LAMA3: variants seen among roughly 807,000 people sequenced by gnomAD.
LAMA3 encodes laminin subunit alpha 3.
In LAMA3, 281 loss-of-function variants were observed where a neutral mutation model predicts 402.0. That is an observed-to-expected ratio of 0.70 (90% CI 0.63 to 0.77). The LOEUF (loss-of-function observed/expected upper bound fraction) is 0.77, where lower values mean the gene tolerates loss of function less well. LAMA3 is among the 30% of genes least tolerant of loss of function. LAMA3 has a pLI of 0.00. For missense variants in LAMA3, 3,840 were observed against 4,215.5 expected (o/e 0.91, Z 2.47); for synonymous variants, 1,431 against 1,558.4 (o/e 0.92, Z 1.93).
intron 14 of LAMA3, 145 bp downstream of exon 14, chr18:23,813,248 G>T: frequency 1.6e-6 from 1 of 620,430 alleles, no homozygotes; most frequent in Non-Finnish European, 2.9e-6. Context: ...TTTTCAAAGA[G>T]CATATGTGAT....
chr18:23,866,194 A>G (rs538536536), intron 36 of LAMA3, among the ~76,000 whole-genome samples: 258 of 152,384 alleles, frequency 1.7e-3, no homozygotes, highest in Non-Finnish European at 2.8e-3. Context: ...CAAGGGTAGT[A>G]TCACATCCTA....
chr18:23,720,324 A>C (rs2061186984), intron 2 of LAMA3, among the ~76,000 whole-genome samples: 1 of 152,020 alleles, frequency 6.6e-6, no homozygotes, highest in Non-Finnish European at 1.5e-5. Flanking sequence ...ATTTAGAACA[A>C]TTTTGCTATT....
At chr18:23,944,004 T>G (rs1458184162) in intron 69 of LAMA3, 33 bp downstream of exon 69, 2 of 1,600,788 alleles carry the variant, frequency 1.2e-6, no homozygotes, top group Non-Finnish European at 1.7e-6. Context: ...TATCTCCAGT[T>G]GGTGTGGAAT....
intron 1 of LAMA3, among the ~76,000 whole-genome samples, chr18:23,708,686 A>G (rs1353526968): frequency 1.3e-5 from 2 of 152,154 alleles, no homozygotes; most frequent in African/African-American, 2.4e-5. Flanking sequence ...CTACCTTGCT[A>G]AAAATCTCCC....
intron 23 of LAMA3, among the ~76,000 whole-genome samples, chr18:23,833,087 T>C (rs1298867887): frequency 6.6e-6 from 1 of 152,136 alleles, no homozygotes; most frequent in East Asian, 1.9e-4. Flanking sequence ...GCTGTCTGAT[T>C]CCAGACCCCA....
intron 29 of LAMA3, among the ~76,000 whole-genome samples, chr18:23,843,366 C>T (rs2063747028): frequency 6.6e-6 from 1 of 152,190 alleles, no homozygotes. Context: ...TGTGCCTACC[C>T]TTTTCATCAC....
intron 2 of LAMA3, among the ~76,000 whole-genome samples, chr18:23,715,860 T>G (rs2061089053): frequency 6.6e-6 from 1 of 152,208 alleles, no homozygotes; most frequent in African/African-American, 2.4e-5. Context: ...TCCCATAGCA[T>G]AGAAATGGAA....
chr18:23,776,050 T>G, intron 10 of LAMA3, 127 bp downstream of exon 10: 2 of 961,336 alleles, frequency 2.1e-6, no homozygotes, highest in South Asian at 2.6e-5. Context: ...TGGGTTGTAT[T>G]TATGTAAAAG....
At chr18:23,944,091 T>G in intron 69 of LAMA3, 120 bp downstream of exon 69, 1 of 973,058 alleles carries the variant, frequency 1.0e-6, no homozygotes. Flanking sequence ...AGAGCTTGTG[T>G]GCTTGCAGGC....
chr18:23,889,902 C>G, intron 41 of LAMA3, 109 bp from the exon 42 acceptor site: 1 of 822,186 alleles, frequency 1.2e-6, no homozygotes, highest in Non-Finnish European at 2.2e-6. Context: ...GTCGGTCTTC[C>G]ACCCATTGGG....
chr18:23,782,308 C>A (rs1199430265), intron 11 of LAMA3, among the ~76,000 whole-genome samples: 1 of 152,150 alleles, frequency 6.6e-6, no homozygotes, highest in Non-Finnish European at 1.5e-5. Flanking sequence ...TGTAATCCTG[C>A]ACTTTGGGAG....
chr18:23,855,201 T>C (rs972084753), intron 32 of LAMA3, among the ~76,000 whole-genome samples: 7 of 152,306 alleles, frequency 4.6e-5, no homozygotes, highest in Admixed American at 4.6e-4. Flanking sequence ...AAGCCCCGCA[T>C]GTTTGCTAAA....
chr18:23,867,743 T>C (rs1289818841), intron 36 of LAMA3, 91 bp from the exon 37 acceptor site: 2 of 975,554 alleles, frequency 2.1e-6, no homozygotes, highest in African/African-American at 1.6e-5. Context: ...TGTCATATGA[T>C]GTAGACCATA....
At chr18:23,806,409 C>T (rs763160529) in intron 12 of LAMA3, among the ~76,000 whole-genome samples, 4 of 152,062 alleles carry the variant, frequency 2.6e-5, no homozygotes, top group African/African-American at 4.8e-5. Flanking sequence ...GGATTTGAGT[C>T]CAGTTATCAG....
chr18:23,893,952 C>T (rs1274245384), intron 42 of LAMA3, among the ~76,000 whole-genome samples: 2 of 152,066 alleles, frequency 1.3e-5, no homozygotes, highest in African/African-American at 4.8e-5. Context: ...AAAACATGGC[C>T]CTTTATAGAG....
At position 23,871,633 on chromosome 18, in the gene LAMA3, C is replaced by T. The variant is rs913410767; in HGVS notation, c.4970C>T (p.Pro1657Leu). The T allele has an allele frequency of 1.9e-6, 3 of 1,611,326 alleles. No individual in the cohort carries two copies. Among genetic ancestry groups the T allele is most frequent in the Non-Finnish European group, 8.5e-7 (1 of 1,178,662 alleles). The change falls in exon 38 of 75, where the codon CCC (proline) becomes CTC (leucine). Residue 1657 changes from proline to leucine, a missense_variant. Pro to Leu is a moderately conservative substitution (Grantham distance 98). Around this residue, in one of 3 missense-constraint regions of LAMA3, gnomAD observed 2,109 missense variants for 2,376.0 expected, o/e 0.89. Coordinates refer to ENST00000313654, the MANE Select transcript of LAMA3 (RefSeq NM_198129.4). ...IALAVEICAC[P>L]PAYAGDSCQG... Reference sequence around the variant, plus strand: ...CTTGCTGTGGAAATCTGTGCCTGCCCCCCTGCCTACGCTGGTGACTCTTGT... The same window carrying T: ...CTTGCTGTGGAAATCTGTGCCTGCCTCCCTGCCTACGCTGGTGACTCTTGT...
chr18:23,815,329 T>C (rs879126324), intron 16 of LAMA3, 89 bp downstream of exon 16: 1 of 1,391,238 alleles, frequency 7.2e-7, no homozygotes, highest in Non-Finnish European at 1.0e-6. Context: ...AGTACTTCTG[T>C]CATTCTACAG....
Position 23,904,105 on chromosome 18 carries a change from G to T in LAMA3, c.6473+18G>T, listed in dbSNP as rs754365856. 4 of 1,612,898 alleles carry T rather than the reference G, an allele frequency of 2.5e-6. No homozygotes were observed. In the African/African-American group the frequency reaches 5.3e-5, roughly 22 times the overall value. ...CTGGAAGAGTGAGTGCATGGCCCAGGAGACCAGAAGGGCACGTGGGCTGAG... is the reference window on the plus strand; with the variant it reads ...CTGGAAGAGTGAGTGCATGGCCCAGTAGACCAGAAGGGCACGTGGGCTGAG... On this transcript the variant is annotated intron_variant, in intron 50 of 74. Transcript: ENST00000313654.
Position 23,921,538 on chromosome 18 carries a change from T to C in LAMA3, c.8130T>C (p.Asp2710=). 1 of 1,613,594 alleles carries C rather than the reference T, an allele frequency of 6.2e-7. No homozygotes were observed. Among genetic ancestry groups the C allele is most frequent in the Non-Finnish European group, 8.5e-7 (1 of 1,179,542 alleles). ...QNTIIDGEVF[D]FSTYYLGGIP... Reference sequence around the variant, plus strand: ...CTATAATTGATGGTGAAGTATTTGATTTCAGCACATATTATCTGGGAGGAA... The same window carrying C: ...CTATAATTGATGGTGAAGTATTTGACTTCAGCACATATTATCTGGGAGGAA... Residue 2710 remains aspartate (D), a synonymous_variant, in exon 62 of 75, where the codon GAT becomes GAC. Transcript: ENST00000313654.
Sources: gnomAD v4.1 joint callset for allele counts (sites outside exome capture counted in the v4.1 genomes callset) on GRCh38, gnomAD v4.1.1 for gene constraint, gnomAD v4.1.1 regional missense constraint, MANE v1.5 for transcripts, NCBI Gene and HGNC (gene_info 2026-07-23, HGNC 2026-07-21) for gene names.